The following BEST3 variants were observed in gnomAD, a reference collection of about 807,000 sequenced individuals.
BEST3 encodes bestrophin 3.
A neutral mutation model predicts 47.1 loss-of-function variants in BEST3; 50 were observed. The ratio of observed to expected loss-of-function variants is 1.06; its 90% CI spans 0.85 to 1.34. The LOEUF (loss-of-function observed/expected upper bound fraction) is 1.34. Among genes scored for constraint, BEST3 ranks in the 40% most tolerant of loss-of-function variants. The probability of loss-of-function intolerance (pLI) is 0.00; values close to 1 mark genes in which losing one functional copy is unlikely to be tolerated. For synonymous variants in BEST3, 282 were observed against 298.8 expected (o/e 0.94, Z 0.58); for missense variants, 765 against 817.0 (o/e 0.94, Z 0.78).
At position 69,693,791 on chromosome 12, in the gene BEST3, G is replaced by A. The variant is rs1886024945; in HGVS notation, c.364C>T (p.Arg122Cys). The change falls in exon 4 of 10, where the codon CGC becomes TGC. Residue 122 changes from arginine (R) to cysteine (C), a missense_variant. Arg to Cys is a radical substitution (Grantham distance 180). Coordinates refer to ENST00000330891, the MANE Select transcript of BEST3 (RefSeq NM_032735.3). ...SSVHGSDEHGRLLRRTLMRYV... is the reference protein window; with the variant it reads ...SSVHGSDEHGCLLRRTLMRYV... ...CGCATCAGCGTCCTTCTAAGCAGGCGCCCGTGCTCGTCGCTTCCGTGAACA... is the reference window on the plus strand; with the variant it reads ...CGCATCAGCGTCCTTCTAAGCAGGCACCCGTGCTCGTCGCTTCCGTGAACA... 6.2e-7 allele frequency: 1 copy of A among 1,614,034 alleles called. No individual in the cohort carries two copies. Among genetic ancestry groups the A allele is most frequent in the African/African-American group, 1.3e-5 (1 of 74,930 alleles).
At chr12:69,651,371 A>G (rs1270970094), downstream of BEST3, among the ~76,000 whole-genome samples, 3 of 152,208 alleles carry the variant, frequency 2.0e-5, no homozygotes, top group Non-Finnish European at 4.4e-5. Flanking sequence ...TCAAATTTGT[A>G]AAGGAAAACA....
chr12:69,644,219 G>A (rs561973762), intron 9 of BEST3, among the ~76,000 whole-genome samples: 114 of 152,294 alleles, frequency 7.5e-4, no homozygotes, highest in African/African-American at 1.4e-3. Flanking sequence ...ATTTTGAAAC[G>A]CAACTCTGCT....
At chr12:69,677,818 G>A (rs984813530) in intron 5 of BEST3, among the ~76,000 whole-genome samples, 2 of 152,106 alleles carry the variant, frequency 1.3e-5, no homozygotes, top group Non-Finnish European at 2.9e-5. Flanking sequence ...ATATCCCCCC[G>A]CCATTCTATT....
intron 3 of BEST3, 160 bp from the exon 4 acceptor site, chr12:69,694,067 G>C (rs1886038986): frequency 3.1e-6 from 2 of 636,396 alleles, no homozygotes; most frequent in East Asian, 2.8e-5. Context: ...AATGTCATTT[G>C]TGCCTGGCAA....
At chr12:69,663,665 T>TA (rs372484235) in intron 9 of BEST3, among the ~76,000 whole-genome samples, 1 of 150,498 alleles carries the variant, frequency 6.6e-6, no homozygotes, top group Non-Finnish European at 1.5e-5. Context: ...CTTTGCCTCT[T>TA]AAAAAAAAAG....
rs1275772962 is a variant in BEST3 at position 69,694,385 on chromosome 12, C to T, written c.232G>A (p.Val78Ile). The stretch of plus-strand genomic sequence containing the variant: ...CTATACTTACCAAGCACAAAGGTTA[C>T]TGGAATTTGTTCAGCATATCTGTCA... ...YCDRYAEQIP[V>I]TFVLGFYVTL... The change falls in exon 3 of 10, where the codon GTA becomes ATA. Residue 78 changes from valine (V) to isoleucine (I), a missense_variant. Val to Ile is a conservative substitution (Grantham distance 29). Coordinates refer to ENST00000330891, the MANE Select transcript of BEST3 (RefSeq NM_032735.3). 2 of 1,605,124 alleles carry T rather than the reference C, an allele frequency of 1.2e-6. No individual in the cohort carries two copies. Among genetic ancestry groups the T allele is most frequent in the Non-Finnish European group, 1.7e-6 (2 of 1,175,400 alleles).
At chr12:69,667,486 G>T (rs1884298851) in intron 9 of BEST3, among the ~76,000 whole-genome samples, 1 of 152,104 alleles carries the variant, frequency 6.6e-6, no homozygotes, top group Admixed American at 6.6e-5. Flanking sequence ...AGTAGAGACT[G>T]GGTTTCACCA....
intron 1 of BEST3, 136 bp downstream of exon 1, chr12:69,699,069 T>A (rs991460212): frequency 4.7e-6 from 2 of 424,146 alleles, no homozygotes; most frequent in Admixed American, 1.3e-4. Context: ...CCGGTAGTTT[T>A]AAATAACAGT....
In BEST3 at chr12:69,678,832, A is replaced by G. The variant is rs752183890; in HGVS notation, c.543T>C (p.Tyr181=). ...FNHLKSPHLK[Y]WVPFIWFGNL... is the part of the protein sequence containing the mutation. ...TTCCAAACCAGATGAATGGAACCCA[A>G]TATTTCAGATGAGGAGACTTGAGGT... Residue 181 remains tyrosine, a synonymous_variant, in exon 5 of 10, where the codon TAT becomes TAC. Coordinates refer to ENST00000330891, the MANE Select transcript of BEST3 (RefSeq NM_032735.3). 10 of 1,613,848 alleles carry G rather than the reference A, an allele frequency of 6.2e-6. No homozygotes were observed. The East Asian group carries it at 8.9e-5, about 14-fold the overall frequency.
intron 4 of BEST3, among the ~76,000 whole-genome samples, chr12:69,692,029 GGACATACT>G (rs1885945397): frequency 6.6e-6 from 1 of 151,974 alleles, no homozygotes; most frequent in Non-Finnish European, 1.5e-5. Context: ...TTTGTATTTT[GGACATACT>G]GAATACCATC....
rs556190053 is a variant in BEST3, at chr12:69,655,585, G to A, written c.1329C>T (p.Pro443=). The A allele has an allele frequency of 2.5e-6, 4 of 1,614,056 alleles. No individual in the cohort carries two copies. The highest frequency in any genetic ancestry group is 1.7e-5 in the Admixed American group (1 of 60,008). ...RDLLDVPSRN[P]PRASPTWKKS... ...TCTTCCAGGTGGGTGAGGCCCTGGGGGGGTTTCTTGAGGGCACATCCAGTA... is the reference window on the plus strand; with the variant it reads ...TCTTCCAGGTGGGTGAGGCCCTGGGAGGGTTTCTTGAGGGCACATCCAGTA... Residue 443 remains proline, a synonymous_variant, in exon 10 of 10, where the codon CCC becomes CCT. Transcript: ENST00000330891.
At chr12:69,680,310 C>CCTCTTTTTTTTTTTTTTTTT (rs1885167969) in intron 4 of BEST3, among the ~76,000 whole-genome samples, 1 of 95,032 alleles carries the variant, frequency 1.1e-5, no homozygotes, top group African/African-American at 4.3e-5. Flanking sequence ...TACACTTGAT[C>CCTCTTTTTTTTTTTTTTTTT]TTTTTTTTTT....
At chr12:69,664,481 A>G (rs1593146861) in intron 9 of BEST3, among the ~76,000 whole-genome samples, 1 of 152,068 alleles carries the variant, frequency 6.6e-6, no homozygotes, top group East Asian at 1.9e-4. Context: ...TTGCTCTGTC[A>G]TCCCCCCTTG....
At chr12:69,678,953 C>A in intron 4 of BEST3, 60 bp from the exon 5 acceptor site, 1 of 1,311,440 alleles carries the variant, frequency 7.6e-7, no homozygotes, top group South Asian at 1.3e-5. Context: ...AATACGTTAC[C>A]ATATTTCAGC....
intron 9 of BEST3, among the ~76,000 whole-genome samples, chr12:69,656,947 C>T (rs1314724849): frequency 6.6e-6 from 1 of 152,096 alleles, no homozygotes; most frequent in Non-Finnish European, 1.5e-5. Flanking sequence ...AAATTGGAAC[C>T]TTGTGGAAAG....
intron 4 of BEST3, among the ~76,000 whole-genome samples, chr12:69,691,993 CT>C (rs1487806279): frequency 1.3e-5 from 2 of 152,184 alleles, no homozygotes; most frequent in Non-Finnish European, 2.9e-5. Context: ...ACATTTCTGT[CT>C]TTTTATAAAA....
intron 9 of BEST3, among the ~76,000 whole-genome samples, chr12:69,656,152 A>G (rs1883480128): frequency 6.6e-6 from 1 of 152,212 alleles, no homozygotes; most frequent in Admixed American, 6.5e-5. Flanking sequence ...ATCACCACAT[A>G]TCTTGTGGCC....
At chr12:69,650,243 G>A (rs1322805613), downstream of BEST3, among the ~76,000 whole-genome samples, 1 of 152,178 alleles carries the variant, frequency 6.6e-6, no homozygotes, top group Non-Finnish European at 1.5e-5. Flanking sequence ...CTCAAGCTTT[G>A]CCAGTGAATA....
intron 4 of BEST3, among the ~76,000 whole-genome samples, chr12:69,680,312 T>TC (rs1555207054): frequency 0.063 from 3,185 of 50,376 alleles, 640 homozygotes; most frequent in African/African-American, 0.18. Flanking sequence ...CACTTGATCT[T>TC]TTTTTTTTTT....
Sources: allele counts gnomAD v4.1 joint callset (sites outside exome capture counted in the v4.1 genomes callset), GRCh38; gene constraint gnomAD v4.1.1; transcripts MANE v1.5; gene names NCBI Gene and HGNC (gene_info 2026-07-23, HGNC 2026-07-21).